The following GPC5 variants were observed in gnomAD, a reference collection of about 807,000 sequenced individuals.
The protein encoded by GPC5 is glypican-5.
A neutral mutation model predicts 53.9 loss-of-function variants in GPC5; 47 were observed. That is an observed-to-expected ratio of 0.87 (90% CI 0.69 to 1.11). The LOEUF is 1.11. GPC5 is among the 50% of genes most tolerant of loss of function. The pLI, the probability that GPC5 is intolerant of heterozygous loss-of-function variation, is 0.00. For synonymous variants in GPC5, 286 were observed against 263.3 expected, an observed-to-expected ratio of 1.09 and a Z score of -0.84; for missense variants, 748 against 713.1, an observed-to-expected ratio of 1.05 and a Z score of -0.56.
intron 7 of GPC5, among the ~76,000 whole-genome samples, chr13:92,201,003 A>G (rs199651922): frequency 2.2e-5 from 2 of 91,688 alleles, no homozygotes; most frequent in South Asian, 7.3e-4. Flanking sequence ...ACACACACAC[A>G]CACACACGCA....
At chr13:91,469,558 G>T (rs1040533282) in intron 2 of GPC5, among the ~76,000 whole-genome samples, 2 of 152,172 alleles carry the variant, frequency 1.3e-5, no homozygotes, top group Admixed American at 6.5e-5. Context: ...GAGCCACTAT[G>T]CCTGGTCAAT....
At chr13:92,531,494 T>C (rs1881562493) in intron 7 of GPC5, among the ~76,000 whole-genome samples, 1 of 149,996 alleles carries the variant, frequency 6.7e-6, no homozygotes, top group East Asian at 1.9e-4. Flanking sequence ...TAAAGAGATA[T>C]ATGTTTATAC....
chr13:91,446,251 C>A (rs1428826600), intron 1 of GPC5, among the ~76,000 whole-genome samples: 3 of 152,104 alleles, frequency 2.0e-5, no homozygotes, highest in Non-Finnish European at 4.4e-5. Context: ...ATGTAGATAT[C>A]TGTAAATTTC....
chr13:91,497,599 G>GA (rs1180784466), intron 2 of GPC5, among the ~76,000 whole-genome samples: 3 of 152,112 alleles, frequency 2.0e-5, no homozygotes, highest in Non-Finnish European at 4.4e-5. Context: ...TTAGTCCATA[G>GA]AAACCTGTAT....
At chr13:92,833,731 G>A (rs1251474724) in intron 7 of GPC5, among the ~76,000 whole-genome samples, 1 of 152,164 alleles carries the variant, frequency 6.6e-6, no homozygotes, top group Non-Finnish European at 1.5e-5. Flanking sequence ...GCTAGACAAG[G>A]AGATCACAGA....
chr13:92,658,320 C>T lies in GPC5; in HGVS notation c.1562-207962C>T, dbSNP rs189207699. On this transcript the variant is annotated intron_variant, in intron 7 of 7. Coordinates refer to ENST00000377067, the MANE Select transcript of GPC5 (RefSeq NM_004466.6). ...GCAATATTTATCAATCATTATGAAG[C>T]GCAAGACACAATACAAGGTGTATAC... Among the ~76,000 whole-genome samples, 329 of 152,236 alleles carry T rather than the reference C, an allele frequency of 2.2e-3. 2 individuals are homozygous for T. Among genetic ancestry groups the T allele is most frequent in the African/African-American group, 7.0e-3 (292 of 41,536 alleles).
chr13:92,837,030 T>A (rs1002367688), intron 7 of GPC5, among the ~76,000 whole-genome samples: 11 of 152,086 alleles, frequency 7.2e-5, no homozygotes, highest in African/African-American at 2.7e-4. Flanking sequence ...AAGAAATTCA[T>A]ATACCTAGGC....
intron 4 of GPC5, among the ~76,000 whole-genome samples, chr13:91,730,111 C>T (rs2036663314): frequency 6.6e-6 from 1 of 152,186 alleles, no homozygotes; most frequent in Admixed American, 6.5e-5. Context: ...TCCTGCCACA[C>T]GGAGTGAACA....
intron 2 of GPC5, among the ~76,000 whole-genome samples, chr13:91,631,183 G>C (rs2034148757): frequency 6.6e-6 from 1 of 152,152 alleles, no homozygotes; most frequent in Non-Finnish European, 1.5e-5. Flanking sequence ...CTTAGGTATT[G>C]GCAAGTGTAC....
chr13:92,201,076 T>C (rs1165872139), intron 7 of GPC5, among the ~76,000 whole-genome samples: 1 of 152,084 alleles, frequency 6.6e-6, no homozygotes, highest in Non-Finnish European at 1.5e-5. Flanking sequence ...TCATTAAGGA[T>C]ATACTGAACG....
At chr13:92,606,041 T>G (rs6492620) in intron 7 of GPC5, among the ~76,000 whole-genome samples, 12,369 of 152,156 alleles carry the variant, frequency 0.081, 1,561 homozygotes, top group African/African-American at 0.27. Context: ...TTACTTGGTC[T>G]GGGACCCTAA....
chr13:92,857,020 C>T (rs891350672), intron 7 of GPC5, among the ~76,000 whole-genome samples: 3 of 152,000 alleles, frequency 2.0e-5, no homozygotes, highest in African/African-American at 7.2e-5. Context: ...ATAGCCAAAG[C>T]AATCCTAGGC....
intron 7 of GPC5, among the ~76,000 whole-genome samples, chr13:92,156,600 T>G (rs373923705): frequency 3.9e-5 from 6 of 152,170 alleles, no homozygotes; most frequent in African/African-American, 1.2e-4. Context: ...CCATAATTAC[T>G]TTTGCACCAG....
intron 2 of GPC5, among the ~76,000 whole-genome samples, chr13:91,632,353 T>C (rs772955447): frequency 3.0e-4 from 45 of 152,218 alleles, no homozygotes; most frequent in Non-Finnish European, 5.6e-4. Flanking sequence ...GGAAGGGACA[T>C]GAGCAAGAAA....
intron 3 of GPC5, among the ~76,000 whole-genome samples, chr13:91,705,129 A>C (rs139797088): frequency 9.8e-4 from 149 of 152,286 alleles, no homozygotes; most frequent in East Asian, 9.3e-3. Flanking sequence ...ACTAAGGAAG[A>C]AATAATAGGA....
chr13:92,501,188 A>T (rs1880170268), intron 7 of GPC5, among the ~76,000 whole-genome samples: 1 of 152,168 alleles, frequency 6.6e-6, no homozygotes, highest in Non-Finnish European at 1.5e-5. Flanking sequence ...CAAACAGTTT[A>T]ACAAGCTATA....
rs200698793 is a variant in GPC5, at chr13:92,377,017, A to AT, written c.1561+232029dup. Among the ~76,000 whole-genome samples, 821 of 147,474 alleles carry AT rather than the reference A, an allele frequency of 5.6e-3. 6 individuals carry two copies. Among genetic ancestry groups the AT allele is most frequent in the African/African-American group, 0.02 (769 of 37,860 alleles). On this transcript the variant is annotated intron_variant, in intron 7 of 7. Coordinates refer to ENST00000377067, the MANE Select transcript of GPC5 (RefSeq NM_004466.6). The stretch of plus-strand genomic sequence containing the variant: ...GTGACCGAGTGCAACTCCATCTCAA[A>AT]TAAAAAAAAAAAAGAAAAGAAACTT...
At chr13:92,737,757 T>A (rs1224749356) in intron 7 of GPC5, among the ~76,000 whole-genome samples, 2 of 78,540 alleles carry the variant, frequency 2.5e-5, no homozygotes, top group African/African-American at 8.5e-5. Flanking sequence ...TCTTTTTTTT[T>A]TTCTTTTTCT....
intron 6 of GPC5, among the ~76,000 whole-genome samples, chr13:92,113,973 C>T (rs1284327970): frequency 6.6e-6 from 1 of 152,136 alleles, no homozygotes; most frequent in African/African-American, 2.4e-5. Context: ...AAAAACAACT[C>T]TTCCTTCAAA....
Sources: allele counts gnomAD v4.1 joint callset (sites outside exome capture counted in the v4.1 genomes callset), GRCh38; gene constraint gnomAD v4.1.1; transcripts MANE v1.5; gene names NCBI Gene and HGNC (gene_info 2026-07-23, HGNC 2026-07-21).